TLE1: variants seen among roughly 807,000 people sequenced by gnomAD.
TLE1 encodes transducin-like enhancer protein 1.
In TLE1, 21 loss-of-function variants were observed where a neutral mutation model predicts 89.8. That is an observed-to-expected ratio of 0.23 (90% confidence interval 0.17 to 0.34). The LOEUF (loss-of-function observed/expected upper bound fraction) is 0.34, where lower values mean the gene tolerates loss of function less well. Ranked by LOEUF, TLE1 falls within the 10% of genes least tolerant of loss-of-function variation. The probability of loss-of-function intolerance (pLI) is 1.00; values close to 1 mark genes in which losing one functional copy is unlikely to be tolerated. For missense variants in TLE1, 795 were observed against 1,031.2 expected (o/e 0.77, Z 3.14); for synonymous variants, 447 against 407.6 (o/e 1.10, Z -1.16).
chr9:81,586,201 T>C (rs1828415170), intron 17 of TLE1, among the ~76,000 whole-genome samples: 1 of 152,072 alleles, frequency 6.6e-6, no homozygotes, highest in South Asian at 2.1e-4. Flanking sequence ...GTATTTTTAG[T>C]AAAGACGGGG....
intron 4 of TLE1, among the ~76,000 whole-genome samples, chr9:81,654,404 G>A (rs972415273): frequency 2.6e-5 from 4 of 152,056 alleles, no homozygotes; most frequent in African/African-American, 9.7e-5. Flanking sequence ...GCAGTGGCAC[G>A]ATCTCGGCTC....
intron 6 of TLE1, among the ~76,000 whole-genome samples, chr9:81,642,236 T>C (rs1348078466): frequency 1.3e-5 from 2 of 152,232 alleles, no homozygotes; most frequent in Non-Finnish European, 2.9e-5. Context: ...AAAAGGTTAA[T>C]TATCCCTTTT....
At chr9:81,641,624 C>G (rs1828131470) in intron 6 of TLE1, among the ~76,000 whole-genome samples, 1 of 152,104 alleles carries the variant, frequency 6.6e-6, no homozygotes, top group African/African-American at 2.4e-5. Flanking sequence ...AAAGGACCTC[C>G]TGAACAGACA....
At chr9:81,680,845 G>A (rs1045556915) in intron 4 of TLE1, among the ~76,000 whole-genome samples, 7 of 151,036 alleles carry the variant, frequency 4.6e-5, no homozygotes, top group Non-Finnish European at 1.0e-4. Context: ...CTATACTCTA[G>A]CTAGTCATTT....
rs376844498 is a variant in TLE1, at chr9:81,611,779, C to T, written c.1244G>A (p.Arg415His). Residue 415 changes from arginine (R) to histidine (H), a missense_variant, in exon 13 of 20, where the codon CGC becomes CAC. Physicochemically the swap from Arg to His is conservative, Grantham distance 29. Coordinates refer to ENST00000376499, the MANE Select transcript of TLE1 (RefSeq NM_005077.5). ...CCGACAGCGGCCTACCATGGGGGAG[C>T]GCCCGTAGGCCACCACGGCGGCCGC... ...AAAAAVVAYG[R>H]SPMVGFDPPP... is the part of the protein sequence containing the mutation. 1.5e-5 allele frequency: 23 copies of T among 1,531,828 alleles called. No individual in the cohort carries two copies. In the African/African-American group the frequency reaches 1.6e-4, roughly 11 times the overall value. 94.9% of individuals were successfully genotyped at this position (1,531,828 alleles called of 1,614,324 possible). A position where few individuals can be genotyped will look rare whatever the true frequency, so the allele number is the denominator to read the frequency against.
intron 6 of TLE1, among the ~76,000 whole-genome samples, chr9:81,645,589 A>G (rs1828757463): frequency 6.6e-6 from 1 of 151,760 alleles, no homozygotes; most frequent in Admixed American, 6.6e-5. Context: ...AAAAATACAA[A>G]ATTAGCCAGG....
intron 6 of TLE1, among the ~76,000 whole-genome samples, chr9:81,648,364 G>C (rs955498503): frequency 6.6e-6 from 1 of 151,742 alleles, no homozygotes; most frequent in East Asian, 1.9e-4. Context: ...TTTAGGAGAA[G>C]GGGAAAAACT....
chr9:81,687,850 G>A (rs575423075), intron 1 of TLE1, among the ~76,000 whole-genome samples: 1 of 152,144 alleles, frequency 6.6e-6, no homozygotes, highest in African/African-American at 2.4e-5. Flanking sequence ...GCCACCTCCA[G>A]ACGCACCGGA....
intron 6 of TLE1, among the ~76,000 whole-genome samples, chr9:81,639,556 A>G (rs1249291191): frequency 1.3e-5 from 2 of 151,894 alleles, no homozygotes; most frequent in East Asian, 1.9e-4. Context: ...AAAAGTTTGT[A>G]AAGTGATTAG....
chr9:81,676,931 T>C (rs754249605), intron 4 of TLE1, among the ~76,000 whole-genome samples: 4 of 152,206 alleles, frequency 2.6e-5, no homozygotes, highest in Non-Finnish European at 4.4e-5. Flanking sequence ...AATACAACAA[T>C]GTATGTATGT....
intron 2 of TLE1, 80 bp downstream of exon 2, chr9:81,687,254 C>G: frequency 2.5e-6 from 3 of 1,213,066 alleles, no homozygotes; most frequent in East Asian, 2.5e-5. Context: ...GAACTAAGTA[C>G]AGGCGCCGCC....
intron 14 of TLE1, among the ~76,000 whole-genome samples, chr9:81,606,644 G>T (rs1434293955): frequency 6.6e-6 from 1 of 152,098 alleles, no homozygotes; most frequent in Non-Finnish European, 1.5e-5. Flanking sequence ...GGGACTGGGG[G>T]AGGGATAGCA....
At chr9:81,686,060 G>C (rs1834233218) in intron 2 of TLE1, among the ~76,000 whole-genome samples, 164 bp from the exon 3 acceptor site, 1 of 152,188 alleles carries the variant, frequency 6.6e-6, no homozygotes, top group Non-Finnish European at 1.5e-5. Context: ...ATAGGGAAAA[G>C]GAATAATGTG....
chr9:81,598,526 T>G (rs1420516953), intron 14 of TLE1, among the ~76,000 whole-genome samples: 1 of 152,084 alleles, frequency 6.6e-6, no homozygotes, highest in Non-Finnish European at 1.5e-5. Context: ...CAGCCAGCAC[T>G]CCATCAAAGG....
At chr9:81,664,398 A>G (rs1247521071) in intron 4 of TLE1, among the ~76,000 whole-genome samples, 1 of 152,122 alleles carries the variant, frequency 6.6e-6, no homozygotes, top group African/African-American at 2.4e-5. Flanking sequence ...CTCCTTCAGG[A>G]TATCTGCTAC....
chr9:81,640,815 T>G (rs1348473103), intron 6 of TLE1, among the ~76,000 whole-genome samples: 1 of 152,218 alleles, frequency 6.6e-6, no homozygotes, highest in Non-Finnish European at 1.5e-5. Context: ...CATGTTGTTG[T>G]AGCCTCTAAC....
At chr9:81,683,729 C>G (rs1833906552) in intron 4 of TLE1, among the ~76,000 whole-genome samples, 2 of 152,158 alleles carry the variant, frequency 1.3e-5, no homozygotes, top group African/African-American at 4.8e-5. Flanking sequence ...CATGGTGTCT[C>G]TCAGCTTTTC....
chr9:81,682,072 CCT>C (rs567360300), intron 4 of TLE1, among the ~76,000 whole-genome samples: 113 of 151,824 alleles, frequency 7.4e-4, no homozygotes, highest in African/African-American at 2.5e-3. Context: ...TGGGTGAAAC[CCT>C]CTCTCTACTA....
intron 4 of TLE1, among the ~76,000 whole-genome samples, chr9:81,671,700 A>C (rs1832249409): frequency 6.6e-6 from 1 of 152,200 alleles, no homozygotes; most frequent in Admixed American, 6.5e-5. Context: ...CAGTATTTGA[A>C]ACCTCCTTAT....
Sources: allele counts gnomAD v4.1 joint callset (sites outside exome capture counted in the v4.1 genomes callset), GRCh38; gene constraint gnomAD v4.1.1; transcripts MANE v1.5; gene names NCBI Gene and HGNC (gene_info 2026-07-23, HGNC 2026-07-21).